GRIN1: variants seen among roughly 807,000 people sequenced by gnomAD.
GRIN1 encodes the protein glutamate receptor ionotropic, NMDA 1.
In GRIN1, 38 loss-of-function variants were observed where a neutral mutation model predicts 103.0. That is an observed-to-expected ratio of 0.37 (90% CI 0.28 to 0.48). GRIN1 has a LOEUF of 0.48. GRIN1 is among the 20% of genes least tolerant of loss of function. GRIN1 has a pLI of 0.98. For synonymous variants in GRIN1, 544 were observed against 532.7 expected (o/e 1.02, Z -0.29); for missense variants, 577 against 1,288.9 (o/e 0.45, Z 8.46).
Position 137,139,451 on chromosome 9 carries a change from T to G in GRIN1, c.-36T>G. 1 of 1,436,992 alleles carries G rather than the reference T, an allele frequency of 7.0e-7. No homozygotes were observed. Among genetic ancestry groups the G allele is most frequent in the Non-Finnish European group, 9.1e-7 (1 of 1,095,854 alleles). 89.0% of individuals were successfully genotyped at this position (1,436,992 alleles called of 1,614,324 possible). A position where few individuals can be genotyped will look rare whatever the true frequency, so the allele number is the denominator to read the frequency against. On this transcript the variant is annotated 5_prime_UTR_variant, in exon 1 of 20. Coordinates refer to ENST00000371561, the MANE Select transcript of GRIN1 (RefSeq NM_007327.4). This position sits in a 1 kb window ranked among gnomAD's most constrained non-coding sequence, Gnocchi z 7.7. ...GGGGGATGCGCCGAGGGCCCCGCGT[T>G]CGCGCCGCGCAGAGCCAGGCCCGCG...
chr9:137,149,173 C>A, intron 4 of GRIN1, 64 bp downstream of exon 4: 1 of 1,111,810 alleles, frequency 9.0e-7, no homozygotes. Flanking sequence ...TACCCGCCAT[C>A]TGAGCCAGAG....
At chr9:137,164,183 G>C (rs939640594) in intron 18 of GRIN1, 5 of 510,412 alleles carry the variant, frequency 9.8e-6, no homozygotes, top group Admixed American at 3.2e-5. Context: ...GTCGCCCGCC[G>C]GTACCCATTC....
At position 137,168,506 on chromosome 9, in the gene GRIN1, A is replaced by C; in HGVS notation, c.*979A>C. The C allele has an allele frequency of 9.7e-6, 2 of 205,998 alleles. No individual in the cohort carries two copies. Among genetic ancestry groups the C allele is most frequent in the Non-Finnish European group, 9.5e-6 (1 of 104,820 alleles). 12.8% of individuals were successfully genotyped at this position (205,998 alleles called of 1,614,324 possible). A position where few individuals can be genotyped will look rare whatever the true frequency, so the allele number is the denominator to read the frequency against. On this transcript the variant is annotated 3_prime_UTR_variant, in exon 20 of 20. Coordinates refer to ENST00000371561, the MANE Select transcript of GRIN1 (RefSeq NM_007327.4). ...GGGGGTCCCCGGACGCTGGCTCGGG[A>C]CTGTCTTCAACCCTGCCCTGCACCT...
At position 137,163,240 on chromosome 9, in the gene GRIN1, C is replaced by G; in HGVS notation, c.2243C>G (p.Thr748Arg). The G allele has an allele frequency of 6.2e-7, 1 of 1,613,746 alleles. No individual in the cohort carries two copies. Among genetic ancestry groups the G allele is most frequent in the Non-Finnish European group, 8.5e-7 (1 of 1,179,934 alleles). The change falls in exon 16 of 20, where the codon ACG becomes AGG. Residue 748 changes from threonine to arginine, a missense_variant. Transcript: ENST00000371561. Reference protein sequence around the residue: ...FEASQKCDLVTTGELFFRSGF... With the variant: ...FEASQKCDLVRTGELFFRSGF... ...GCCTCGCAGAAGTGCGACCTGGTGA[C>G]GACTGGAGAGCTGTTTTTCCGCTCG...
chr9:137,157,862 T>C (rs960052719), intron 6 of GRIN1, among the ~76,000 whole-genome samples: 1 of 152,128 alleles, frequency 6.6e-6, no homozygotes, highest in Non-Finnish European at 1.5e-5. Context: ...ATGACACACA[T>C]GTGACACAAG....
intron 19 of GRIN1, 120 bp from the exon 20 acceptor site, chr9:137,167,291 G>A (rs1419239648): frequency 1.3e-5 from 10 of 781,458 alleles, no homozygotes; most frequent in South Asian, 3.0e-5. Context: ...GTCCGGCTGC[G>A]GAGATCCCCT....
intron 15 of GRIN1, 46 bp from the exon 16 acceptor site, chr9:137,163,123 C>T (rs1296411294): frequency 6.2e-7 from 1 of 1,606,094 alleles, no homozygotes; most frequent in Middle Eastern, 1.8e-4. Context: ...GTGGGGCTTC[C>T]AGGCTGGCAG....
chr9:137,144,609 T>G (rs563355336), intron 2 of GRIN1, among the ~76,000 whole-genome samples: 2 of 143,784 alleles, frequency 1.4e-5, no homozygotes, highest in South Asian at 2.2e-4. Flanking sequence ...GAGCCGAGAT[T>G]GCACTCCAGC....
At position 137,162,470 on chromosome 9, in the gene GRIN1, C is replaced by T. The variant is rs750628447; in HGVS notation, c.1818C>T (p.Ala606=). The T allele has an allele frequency of 1.6e-5, 26 of 1,611,830 alleles. No homozygotes were observed. Among genetic ancestry groups the T allele is most frequent in the Non-Finnish European group, 2.2e-5 (26 of 1,179,810 alleles). ...EEEDALTLSS[A]MWFSWGVLLN... is the part of the protein sequence containing the mutation. ...AGGACGCACTGACCCTGTCCTCGGC[C>T]ATGTGGTTCTCCTGGGGCGTCCTGC... The change falls in exon 13 of 20, where the codon GCC becomes GCT. Residue 606 remains alanine, a synonymous_variant. Coordinates refer to ENST00000371561, the MANE Select transcript of GRIN1 (RefSeq NM_007327.4).
At position 137,167,580 on chromosome 9, in the gene GRIN1, G is replaced by A; in HGVS notation, c.*53G>A. ...CTCCCCCGCAGACAGACAGACAGAC[G>A]GACGGGACAGCGGCCCGGCCCACGC... is the stretch of plus-strand genomic sequence containing the variant. On this transcript the variant is annotated 3_prime_UTR_variant, in exon 20 of 20. Coordinates refer to ENST00000371561, the MANE Select transcript of GRIN1 (RefSeq NM_007327.4). 2 of 1,385,636 alleles carry A rather than the reference G, an allele frequency of 1.4e-6. No individual in the cohort carries two copies. The highest frequency in any genetic ancestry group is 1.2e-5 in the South Asian group (1 of 80,962). 85.8% of individuals were successfully genotyped at this position (1,385,636 alleles called of 1,614,324 possible).
chr9:137,162,332 G>T, intron 12 of GRIN1, 42 bp downstream of exon 12: 1 of 1,549,446 alleles, frequency 6.5e-7, no homozygotes. Context: ...TCTGCGGGGC[G>T]CGGAGCCGGC....
In GRIN1 at chr9:137,139,410, G is replaced by C; in HGVS notation, c.-77G>C. ...CCGCGGGGCCGGGCGAGCGCAGGACGGCCCGGAAGCCCCGCGGGGGATGCG... is the reference window on the plus strand; with the variant it reads ...CCGCGGGGCCGGGCGAGCGCAGGACCGCCCGGAAGCCCCGCGGGGGATGCG... On this transcript the variant is annotated 5_prime_UTR_variant, in exon 1 of 20. Coordinates refer to ENST00000371561, the MANE Select transcript of GRIN1 (RefSeq NM_007327.4). The surrounding 1 kb of genome is among the most constrained non-coding windows in gnomAD (Gnocchi z 7.7). The C allele has an allele frequency of 9.2e-7, 1 of 1,082,182 alleles. No individual in the cohort carries two copies. Among genetic ancestry groups the C allele is most frequent in the African/African-American group, 1.7e-5 (1 of 60,300 alleles). The allele number at this position is 1,082,182 out of a possible 1,614,324, so 67.0% of individuals were successfully genotyped here. A position where few individuals can be genotyped will look rare whatever the true frequency, so the allele number is the denominator to read the frequency against.
intron 4 of GRIN1, among the ~76,000 whole-genome samples, chr9:137,156,176 C>A (rs74575568): frequency 6.6e-6 from 1 of 152,218 alleles, no homozygotes; most frequent in Non-Finnish European, 1.5e-5. Context: ...CCGTAAAACA[C>A]TTCGAGCAGT....
chr9:137,150,536 G>A (rs1228756126), intron 4 of GRIN1, among the ~76,000 whole-genome samples: 2 of 132,576 alleles, frequency 1.5e-5, no homozygotes, highest in African/African-American at 2.9e-5. Context: ...AAAAAGACCC[G>A]CCAAAGGAAA....
rs1030342092 is a variant in GRIN1, at chr9:137,146,383, G to A, written c.570+481G>A. 1.7e-4 allele frequency among the ~76,000 whole-genome samples: 26 copies of A among 151,412 alleles called. No individual in the cohort carries two copies. The highest frequency in any genetic ancestry group is 6.1e-4 in the African/African-American group (25 of 41,080). On this transcript the variant is annotated intron_variant, in intron 3 of 19. Coordinates refer to ENST00000371561, the MANE Select transcript of GRIN1 (RefSeq NM_007327.4). The surrounding 1 kb of genome is among the most constrained non-coding windows in gnomAD (Gnocchi z 6.7). ...TGTCCTCCCCCGCGTGGCCTCCCCT[G>A]AAGCTCTGCACCTCATGGCTCAGCA...
chr9:137,156,618 C>T, intron 4 of GRIN1, 51 bp from the exon 5 acceptor site: 1 of 1,582,306 alleles, frequency 6.3e-7, no homozygotes, highest in Non-Finnish European at 8.6e-7. Context: ...CTGCGGAGCG[C>T]CGCGGTGGGA....
At chr9:137,161,547 C>T (rs1204264592) in intron 10 of GRIN1, 131 bp downstream of exon 10, 5 of 521,886 alleles carry the variant, frequency 9.6e-6, no homozygotes, top group Non-Finnish European at 1.5e-5. Context: ...ATGGAGTGAG[C>T]GGAGCCTGCG....
intron 1 of GRIN1, among the ~76,000 whole-genome samples, chr9:137,140,039 G>T (rs768335301): frequency 2.6e-4 from 40 of 152,122 alleles, no homozygotes; most frequent in Non-Finnish European, 2.4e-4. Context: ...GTGTCAGTGT[G>T]GGGGTGGGCA....
intron 4 of GRIN1, among the ~76,000 whole-genome samples, chr9:137,150,885 AAAAGCCCCGCCCAGAT>A: frequency 7.3e-6 from 1 of 137,820 alleles, no homozygotes; most frequent in Middle Eastern, 4.8e-3. Flanking sequence ...CCGCCCATAA[AAAAGCCCCGCCCAGAT>A]AAAAGCCCTG....
Sources: gnomAD v4.1 joint callset for allele counts (sites outside exome capture counted in the v4.1 genomes callset) on GRCh38, gnomAD v4.1.1 for gene constraint, Gnocchi (gnomAD v3.1) non-coding constraint, MANE v1.5 for transcripts, NCBI Gene and HGNC (gene_info 2026-07-23, HGNC 2026-07-21) for gene names.